Variants in PIK3CB observed in about 807,000 individuals in gnomAD.
PIK3CB encodes the protein phosphatidylinositol 4,5-bisphosphate 3-kinase catalytic subunit beta isoform.
In PIK3CB, 39 loss-of-function variants were observed where a neutral mutation model predicts 136.8. The observed-to-expected ratio is 0.29, with a 90% confidence interval of 0.22 to 0.37. The LOEUF (loss-of-function observed/expected upper bound fraction) is 0.37, where lower values mean the gene tolerates loss of function less well. Among genes scored for constraint, PIK3CB ranks in the 10% least tolerant of loss-of-function variants. The pLI, the probability that PIK3CB is intolerant of heterozygous loss-of-function variation, is 1.00. For missense variants in PIK3CB, 868 were observed against 1,275.4 expected (o/e 0.68, Z 4.87); for synonymous variants, 428 against 436.6 (o/e 0.98, Z 0.25).
intron 1 of PIK3CB, among the ~76,000 whole-genome samples, chr3:138,821,293 A>C (rs1262328735): frequency 2.7e-5 from 4 of 148,952 alleles, no homozygotes; most frequent in African/African-American, 1.0e-4. Context: ...AAAAAAAAAA[A>C]CAAAAAACAA....
rs369600257 is a variant in PIK3CB, at chr3:138,656,203, G to A, written c.3014C>T (p.Ala1005Val). 5.0e-6 allele frequency: 8 copies of A among 1,613,934 alleles called. No homozygotes were observed. Among genetic ancestry groups the A allele is most frequent in the East Asian group, 2.2e-5 (1 of 44,878 alleles). Residue 1005 changes from alanine (A) to valine (V), a missense_variant, in exon 23 of 24, where the codon GCG becomes GTG. Around this residue, in one of 4 missense-constraint regions of PIK3CB, gnomAD observed 88 missense variants for 147.8 expected, o/e 0.60. Transcript: ENST00000674063. ...RHGNLFITLF[A>V]LMLTAGLPEL... is the part of the protein sequence containing the mutation. ...AGGAAGCCCTGCAGTCAACATCAGC[G>A]CAAAGAGAGTGATGAAGAGATTCCC...
intron 19 of PIK3CB, among the ~76,000 whole-genome samples, chr3:138,674,175 C>T (rs1250733689): frequency 6.6e-6 from 1 of 151,596 alleles, no homozygotes; most frequent in East Asian, 1.9e-4. Flanking sequence ...TCTAGAAGGC[C>T]GTGTGCATGG....
At chr3:138,803,851 A>G (rs2046202708) in intron 1 of PIK3CB, among the ~76,000 whole-genome samples, 1 of 152,186 alleles carries the variant, frequency 6.6e-6, no homozygotes, top group Admixed American at 6.6e-5. Flanking sequence ...TTGTCTATCT[A>G]GGAAAGTTCC....
chr3:138,733,251 A>C, intron 8 of PIK3CB, 110 bp downstream of exon 8: 1 of 486,876 alleles, frequency 2.1e-6, no homozygotes, highest in Non-Finnish European at 3.7e-6. Flanking sequence ...ATATCATGTA[A>C]TTGATCAATA....
intron 14 of PIK3CB, among the ~76,000 whole-genome samples, chr3:138,692,828 T>C: frequency 6.6e-6 from 1 of 152,342 alleles, no homozygotes; most frequent in African/African-American, 2.4e-5. Context: ...ATAAACTTCA[T>C]TGTCTGAGAC....
chr3:138,688,633 T>A lies in PIK3CB; in HGVS notation c.2136+242A>T, dbSNP rs116713604. ...TTTTTCAGGTAGCATTCAGTTAATA[T>A]TTTTGTGCTAAGTTCATTGAAACTT... On this transcript the variant is annotated intron_variant, in intron 16 of 23. Transcript: ENST00000674063. Among the ~76,000 whole-genome samples, 559 of 152,240 alleles carry A rather than the reference T, an allele frequency of 3.7e-3. 6 individuals are homozygous for A. Among genetic ancestry groups the A allele is most frequent in the African/African-American group, 0.013 (530 of 41,542 alleles).
chr3:138,744,766 T>C (rs888742719), intron 4 of PIK3CB, among the ~76,000 whole-genome samples: 1 of 152,206 alleles, frequency 6.6e-6, no homozygotes, highest in Non-Finnish European at 1.5e-5. Context: ...TGTCAGACTG[T>C]TGCATGTGAA....
At chr3:138,777,088 G>T (rs1382976942) in intron 2 of PIK3CB, among the ~76,000 whole-genome samples, 1 of 152,166 alleles carries the variant, frequency 6.6e-6, no homozygotes, top group Non-Finnish European at 1.5e-5. Context: ...TACTGGTGCT[G>T]CCTGCCAAGG....
chr3:138,737,908 G>T, intron 5 of PIK3CB, 22 bp from the exon 6 acceptor site: 1 of 1,466,822 alleles, frequency 6.8e-7, no homozygotes, highest in Non-Finnish European at 9.3e-7. Context: ...GGGAGATGGG[G>T]AAAAAAGCAG....
chr3:138,739,235 G>A (rs1468053045), intron 5 of PIK3CB, among the ~76,000 whole-genome samples: 1 of 151,918 alleles, frequency 6.6e-6, no homozygotes, highest in Non-Finnish European at 1.5e-5. Context: ...AATGAGGTCA[G>A]GAGATCATGA....
chr3:138,782,102 A>C (rs2045930011), intron 2 of PIK3CB, among the ~76,000 whole-genome samples: 1 of 152,226 alleles, frequency 6.6e-6, no homozygotes, highest in Non-Finnish European at 1.5e-5. Flanking sequence ...TTCCAGAGAA[A>C]ATGTAGACTA....
At chr3:138,696,477 T>C (rs945814280) in intron 13 of PIK3CB, among the ~76,000 whole-genome samples, 13 of 152,144 alleles carry the variant, frequency 8.5e-5, no homozygotes, top group African/African-American at 2.7e-4. Context: ...TGAGCCACCA[T>C]ACCCAGCCTA....
At chr3:138,746,819 T>C (rs1322218147) in intron 4 of PIK3CB, among the ~76,000 whole-genome samples, 1 of 151,406 alleles carries the variant, frequency 6.6e-6, no homozygotes, top group Non-Finnish European at 1.5e-5. Context: ...TAGAGTCTAT[T>C]GGTATGCCTT....
chr3:138,679,346 A>G (rs1415977164), intron 19 of PIK3CB, among the ~76,000 whole-genome samples: 1 of 152,074 alleles, frequency 6.6e-6, no homozygotes, highest in Non-Finnish European at 1.5e-5. Context: ...TTATTTACTG[A>G]GCTAGGGTCT....
intron 15 of PIK3CB, among the ~76,000 whole-genome samples, chr3:138,689,951 T>A (rs955061127): frequency 5.3e-5 from 8 of 152,176 alleles, no homozygotes; most frequent in African/African-American, 1.7e-4. Context: ...AATGCCCTGA[T>A]TAGCATCTAT....
At position 138,694,826 on chromosome 3, in the gene PIK3CB, ACTG is replaced by A; in HGVS notation, c.1849_1851del (p.Gln617del). The A allele has an allele frequency of 1.9e-6, 3 of 1,613,326 alleles. No homozygotes were observed. Among genetic ancestry groups the A allele is most frequent in the Non-Finnish European group, 2.5e-6 (3 of 1,179,648 alleles). ...CAGCCTACAGCATATTCTCGAACGT[ACTG>A]GTCTGGATAGTTGAAATCCAGAAGC... On this transcript the variant is annotated inframe_deletion, in exon 14 of 24. Coordinates refer to ENST00000674063, the MANE Select transcript of PIK3CB (RefSeq NM_006219.3).
At chr3:138,666,079 T>G (rs2043404111) in intron 19 of PIK3CB, among the ~76,000 whole-genome samples, 1 of 152,210 alleles carries the variant, frequency 6.6e-6, no homozygotes, top group African/African-American at 2.4e-5. Flanking sequence ...AAATAGATTA[T>G]CAATTAAATG....
chr3:138,769,854 A>G (rs1215541161), intron 2 of PIK3CB, among the ~76,000 whole-genome samples: 1 of 152,188 alleles, frequency 6.6e-6, no homozygotes, highest in Non-Finnish European at 1.5e-5. Context: ...ACTTGGAGGT[A>G]TCTTAGGAGT....
At chr3:138,698,221 ATAAG>A (rs2044177852) in intron 13 of PIK3CB, among the ~76,000 whole-genome samples, 1 of 152,228 alleles carries the variant, frequency 6.6e-6, no homozygotes, top group African/African-American at 2.4e-5. Flanking sequence ...TTGAACTGAA[ATAAG>A]TAACATGAAA....
Sources: allele counts gnomAD v4.1 joint callset (sites outside exome capture counted in the v4.1 genomes callset), GRCh38; gene constraint gnomAD v4.1.1; regional missense constraint gnomAD v4.1.1; transcripts MANE v1.5; gene names NCBI Gene and HGNC (gene_info 2026-07-23, HGNC 2026-07-21).